Variants in RASIP1 observed in about 807,000 individuals in gnomAD.
RASIP1 encodes Ras interacting protein 1.
In RASIP1, 20 loss-of-function variants were observed where a neutral mutation model predicts 85.3. That is an observed-to-expected ratio of 0.23 (90% CI 0.17 to 0.34). The LOEUF (loss-of-function observed/expected upper bound fraction) is 0.34. RASIP1 is among the 10% of genes least tolerant of loss of function. The pLI is 1.00. For missense variants in RASIP1, 1,170 were observed against 1,390.9 expected (o/e 0.84, Z 2.53); for synonymous variants, 617 against 647.1 (o/e 0.95, Z 0.71).
chr19:48,733,763 C>CA (rs2122464930), intron 4 of RASIP1, among the ~76,000 whole-genome samples: 1 of 149,964 alleles, frequency 6.7e-6, no homozygotes, highest in Non-Finnish European at 1.5e-5. Context: ...GCCAAGATCG[C>CA]ACCACTGCAG....
chr19:48,725,216 G>A, intron 8 of RASIP1: 2 of 437,348 alleles, frequency 4.6e-6, no homozygotes, highest in Non-Finnish European at 8.3e-6. Context: ...GCTCAAGGAG[G>A]ACAAAGGATA....
At chr19:48,721,179 C>T (rs533883104) in intron 11 of RASIP1, among the ~76,000 whole-genome samples, 182 bp from the exon 12 acceptor site, 14 of 152,190 alleles carry the variant, frequency 9.2e-5, no homozygotes, top group African/African-American at 3.4e-4. Context: ...AGTTGTAGTT[C>T]AGACGATGGA....
chr19:48,728,335 C>T (rs2033378336), intron 5 of RASIP1, among the ~76,000 whole-genome samples: 1 of 152,158 alleles, frequency 6.6e-6, no homozygotes, highest in Non-Finnish European at 1.5e-5. Flanking sequence ...TGGGATCTCT[C>T]CCCCACCATC....
chr19:48,726,155 G>T (rs1263912102), intron 8 of RASIP1, among the ~76,000 whole-genome samples: 1 of 152,184 alleles, frequency 6.6e-6, no homozygotes, highest in South Asian at 2.1e-4. Flanking sequence ...TCAAACTCCT[G>T]ACCTCGCGGT....
chr19:48,728,206 G>T (rs2033376534), intron 5 of RASIP1, among the ~76,000 whole-genome samples: 1 of 152,086 alleles, frequency 6.6e-6, no homozygotes, highest in Non-Finnish European at 1.5e-5. Flanking sequence ...TCCATCTGTA[G>T]GTCCAGTGGA....
chr19:48,727,583 C>T (rs1204142415), intron 5 of RASIP1, among the ~76,000 whole-genome samples, 153 bp from the exon 6 acceptor site: 5 of 151,910 alleles, frequency 3.3e-5, no homozygotes, highest in African/African-American at 4.8e-5. Context: ...CGGTGGTCTC[C>T]AACTCCTGAG....
intron 11 of RASIP1, 63 bp downstream of exon 11, chr19:48,721,791 A>T: frequency 6.5e-7 from 1 of 1,526,834 alleles, no homozygotes; most frequent in Non-Finnish European, 8.8e-7. Context: ...TGACAGGGCG[A>T]GACTCCGTCT....
Position 48,720,912 on chromosome 19 carries a change from C to T in RASIP1, c.2778G>A (p.Thr926=), listed in dbSNP as rs368475522. ...GGAGTTCACGGTGCAAGGCATCGTC[C>T]GTCACTGGACCAGTGAGGCGCAGGC... ...SSRLRLTGPV[T]DDALHRELRR... Residue 926 remains threonine, a synonymous_variant, in exon 12 of 12, where the codon ACG becomes ACA. Coordinates refer to ENST00000222145, the MANE Select transcript of RASIP1 (RefSeq NM_017805.3). The T allele has an allele frequency of 6.2e-7, 1 of 1,613,796 alleles. No individual in the cohort carries two copies. Among genetic ancestry groups the T allele is most frequent in the Non-Finnish European group, 8.5e-7 (1 of 1,179,966 alleles).
chr19:48,729,271 G>C lies in RASIP1; in HGVS notation c.1499C>G (p.Pro500Arg), dbSNP rs1333765691. The change falls in exon 5 of 12, where the codon CCG (proline) becomes CGG (arginine). Residue 500 changes from proline (P) to arginine (R), a missense_variant. Around this residue, in one of 4 missense-constraint regions of RASIP1, gnomAD observed 426 missense variants for 576.2 expected, o/e 0.74. Coordinates refer to ENST00000222145, the MANE Select transcript of RASIP1 (RefSeq NM_017805.3). ...CCCGGGGCGCGCGGGCAGCCACGGC[G>C]GCCTCGCAGGCCCCGAGCCCCCAGT... Reference protein sequence around the residue: ...PRTGGSGPARPPWLPARPGAT... With the variant: ...PRTGGSGPARRPWLPARPGAT... 6.6e-7 allele frequency: 1 copy of C among 1,511,982 alleles called. No individual in the cohort carries two copies. The highest frequency in any genetic ancestry group is 8.8e-7 in the Non-Finnish European group (1 of 1,133,758). The allele number at this position is 1,511,982 out of a possible 1,614,324, so 93.7% of individuals were successfully genotyped here.
At chr19:48,727,915 C>T (rs150419989) in intron 5 of RASIP1, among the ~76,000 whole-genome samples, 1,781 of 151,618 alleles carry the variant, frequency 0.012, 47 homozygotes, top group African/African-American at 0.041. Flanking sequence ...CTCGATCTCC[C>T]GACTTCAGGT....
In RASIP1 at chr19:48,726,847, T is replaced by C; in HGVS notation, c.2065A>G (p.Met689Val). ...CNDLELCDEA[M>V]ALLDEVIMCT... ...ATGATGACCTCATCCAGGAGGGCCA[T>C]GGCCTCATCACATAATTCCAAGTCA... The change falls in exon 8 of 12, where the codon ATG (methionine) becomes GTG (valine). Residue 689 changes from methionine (M) to valine (V), a missense_variant. Physicochemically the swap from Met to Val is conservative, Grantham distance 21. This residue lies in a region of RASIP1 where 426 missense variants were observed against 576.2 expected (regional missense o/e 0.74). Transcript: ENST00000222145. 1.2e-6 allele frequency: 2 copies of C among 1,614,100 alleles called. No individual in the cohort carries two copies. The highest frequency in any genetic ancestry group is 1.7e-6 in the Non-Finnish European group (2 of 1,179,974).
chr19:48,730,540 A>C (rs2033437211), intron 4 of RASIP1, among the ~76,000 whole-genome samples: 1 of 152,130 alleles, frequency 6.6e-6, no homozygotes, highest in Non-Finnish European at 1.5e-5. Context: ...CCCTATTTCT[A>C]AAATGAACTG....
At chr19:48,733,628 G>A (rs1366503997) in intron 4 of RASIP1, among the ~76,000 whole-genome samples, 1 of 152,008 alleles carries the variant, frequency 6.6e-6, no homozygotes, top group Non-Finnish European at 1.5e-5. Context: ...CCAACATGGC[G>A]ACACCCTGTC....
In RASIP1 at chr19:48,724,553, CTG is replaced by C. The variant is rs773212489; in HGVS notation, c.2372-46_2372-45del. ...TGAGAGGCAGTTGGTTGGCTGGACT[CTG>C]TGCTCCTGCCTCCCAGACTCTTCCT... On this transcript the variant is annotated intron_variant, in intron 9 of 11. Coordinates refer to ENST00000222145, the MANE Select transcript of RASIP1 (RefSeq NM_017805.3). The surrounding 1 kb of genome is among the most constrained non-coding windows in gnomAD (Gnocchi z 4.6). 12 of 1,592,652 alleles carry C rather than the reference CTG, an allele frequency of 7.5e-6. No homozygotes were observed. Among genetic ancestry groups the C allele is most frequent in the South Asian group, 1.1e-5 (1 of 88,832 alleles).
At position 48,720,949 on chromosome 19, in the gene RASIP1, A is replaced by C; in HGVS notation, c.2741T>G (p.Leu914Arg). The C allele has an allele frequency of 6.2e-7, 1 of 1,612,782 alleles. No individual in the cohort carries two copies. Among genetic ancestry groups the C allele is most frequent in the Non-Finnish European group, 8.5e-7 (1 of 1,179,628 alleles). ...FSSHPPLILP[L>R]GSSRLRLTGP... Reference sequence around the variant, plus strand: ...AGTGAGGCGCAGGCGCGAGCTCCCCAGGGGGAGGATGAGGGGCGGGTGCGA... The same window carrying C: ...AGTGAGGCGCAGGCGCGAGCTCCCCCGGGGGAGGATGAGGGGCGGGTGCGA... Residue 914 changes from leucine (L) to arginine (R), a missense_variant, in exon 12 of 12, where the codon CTG becomes CGG. This residue lies in a region of RASIP1 where 144 missense variants were observed against 125.5 expected (regional missense o/e 1.15). Transcript: ENST00000222145.
intron 5 of RASIP1, among the ~76,000 whole-genome samples, chr19:48,728,538 G>A (rs963800282): frequency 5.3e-5 from 8 of 152,154 alleles, no homozygotes; most frequent in African/African-American, 9.7e-5. Flanking sequence ...GGCCGAGGCG[G>A]GCGAACCACG....
intron 3 of RASIP1, among the ~76,000 whole-genome samples, chr19:48,735,864 C>T (rs1357336553): frequency 6.6e-6 from 1 of 151,446 alleles, no homozygotes; most frequent in Non-Finnish European, 1.5e-5. Context: ...GGCACGATCT[C>T]GGCTCACTGC....
chr19:48,727,201 A>G (rs1197778937), intron 6 of RASIP1, 43 bp from the exon 7 acceptor site: 1 of 1,609,166 alleles, frequency 6.2e-7, no homozygotes, highest in Admixed American at 1.7e-5. Flanking sequence ...CCCAACCCTC[A>G]TCATAGTTTA....
At chr19:48,736,178 G>A (rs566023142) in intron 3 of RASIP1, among the ~76,000 whole-genome samples, 28 of 151,430 alleles carry the variant, frequency 1.8e-4, no homozygotes, top group African/African-American at 6.7e-4. Context: ...CACTTTGGGA[G>A]GCTGAGGCGG....
Sources: allele counts gnomAD v4.1 joint callset (sites outside exome capture counted in the v4.1 genomes callset), GRCh38; gene constraint gnomAD v4.1.1; regional missense constraint gnomAD v4.1.1; non-coding constraint Gnocchi (gnomAD v3.1); transcripts MANE v1.5; gene names NCBI Gene and HGNC (gene_info 2026-07-23, HGNC 2026-07-21).